Variants in PLA2G2F observed in about 807,000 individuals in gnomAD.
PLA2G2F encodes phospholipase A2 group IIF, also known as group IIF secretory phospholipase A2.
A neutral mutation model predicts 15.9 loss-of-function variants in PLA2G2F; 17 were observed. The ratio of observed to expected loss-of-function variants is 1.07; its 90% CI spans 0.73 to 1.60. PLA2G2F has a LOEUF of 1.60. PLA2G2F is among the 40% of genes most tolerant of loss of function. PLA2G2F has a pLI of 0.00. For missense variants in PLA2G2F, 299 were observed against 278.2 expected (o/e 1.07, Z -0.53); for synonymous variants, 119 against 106.5 (o/e 1.12, Z -0.72).
At chr1:20,147,741 C>T (rs1557778280) in intron 4 of PLA2G2F, among the ~76,000 whole-genome samples, 1 of 152,164 alleles carries the variant, frequency 6.6e-6, no homozygotes, top group Non-Finnish European at 1.5e-5. Flanking sequence ...TAAGCCACTG[C>T]GCCCGGCAAT....
At chr1:20,144,879 C>T (rs1433455010) in intron 4 of PLA2G2F, among the ~76,000 whole-genome samples, 190 bp downstream of exon 4, 2 of 152,172 alleles carry the variant, frequency 1.3e-5, no homozygotes, top group Non-Finnish European at 2.9e-5. Flanking sequence ...GAGTTCGAGA[C>T]CATCCTGGCT....
rs1252019163 is a variant in PLA2G2F at position 20,149,534 on chromosome 1, C to T, written c.*1133C>T. 1 of 152,642 alleles carries T rather than the reference C, an allele frequency of 6.6e-6. No homozygotes were observed. Among genetic ancestry groups the T allele is most frequent in the Non-Finnish European group, 1.5e-5 (1 of 68,360 alleles). 9.5% of individuals were successfully genotyped at this position (152,642 alleles called of 1,614,324 possible). On this transcript the variant is annotated 3_prime_UTR_variant, in exon 5 of 5. Transcript: ENST00000375102. ...ATCAAGGCGGGAGGCAGCCTGGAAACTTCTAGAAGAGGGTCAAGGTAGGAG... is the reference window on the plus strand; with the variant it reads ...ATCAAGGCGGGAGGCAGCCTGGAAATTTCTAGAAGAGGGTCAAGGTAGGAG...
chr1:20,140,115 T>C (rs528483099), intron 1 of PLA2G2F, 51 bp from the exon 2 acceptor site: 1 of 1,595,724 alleles, frequency 6.3e-7, no homozygotes, highest in African/African-American at 1.3e-5. Context: ...GGTCCAACAC[T>C]GCCAAGGGTG....
intron 4 of PLA2G2F, among the ~76,000 whole-genome samples, chr1:20,145,270 C>T (rs1557777362): frequency 6.6e-6 from 1 of 151,298 alleles, no homozygotes; most frequent in African/African-American, 2.4e-5. Flanking sequence ...GGACATACTT[C>T]TACTAAAACA....
intron 1 of PLA2G2F, 148 bp downstream of exon 1, chr1:20,139,691 C>T (rs2017420938): frequency 3.1e-6 from 2 of 645,246 alleles, no homozygotes; most frequent in African/African-American, 1.9e-5. Context: ...ACGTGGCACT[C>T]ATGTGGCCCA....
At chr1:20,140,142 G>C in intron 1 of PLA2G2F, 24 bp from the exon 2 acceptor site, 1 of 1,612,846 alleles carries the variant, frequency 6.2e-7, no homozygotes, top group Non-Finnish European at 8.5e-7. Context: ...ATGGACTCAA[G>C]CTCCGGGTTT....
At chr1:20,143,726 C>A in intron 3 of PLA2G2F, 136 bp downstream of exon 3, 2 of 1,123,842 alleles carry the variant, frequency 1.8e-6, no homozygotes, top group Non-Finnish European at 2.5e-6. Flanking sequence ...GACTTGGTGA[C>A]CAGAGCCTGG....
chr1:20,140,765 TG>T (rs2017441929), intron 2 of PLA2G2F: 1 of 155,602 alleles, frequency 6.4e-6, no homozygotes, highest in Admixed American at 6.2e-5. Context: ...GTGTGTAGGA[TG>T]GGTGTCTGTG....
rs778009818 is a variant in PLA2G2F at position 20,144,662 on chromosome 1, A to C, written c.397A>C (p.Ile133Leu). Residue 133 changes from isoleucine to leucine, a missense_variant, in exon 4 of 5, where the codon ATC becomes CTC. Ile to Leu is a conservative substitution (Grantham distance 5). Coordinates refer to ENST00000375102, the MANE Select transcript of PLA2G2F (RefSeq NM_022819.4). ...HPYVDHYDHT[I>L]ENNTEIVCSD... ...CTATGTGGACCACTATGATCACACC[A>C]TCGAGAACAACACTGAGATAGTCTG... 5 of 1,609,966 alleles carry C rather than the reference A, an allele frequency of 3.1e-6. No homozygotes were observed. The East Asian group carries it at 1.1e-4, about 36-fold the overall frequency.
At chr1:20,145,550 G>T (rs2017572080) in intron 4 of PLA2G2F, among the ~76,000 whole-genome samples, 1 of 152,018 alleles carries the variant, frequency 6.6e-6, no homozygotes, top group Admixed American at 6.6e-5. Context: ...AAAGTGCTGG[G>T]ATTACAGGTG....
At chr1:20,148,134 C>T in intron 4 of PLA2G2F, 56 bp from the exon 5 acceptor site, 1 of 1,408,276 alleles carries the variant, frequency 7.1e-7, no homozygotes, top group Non-Finnish European at 1.0e-6. Context: ...AGCAGTAGTC[C>T]TGGGGGAGCT....
At chr1:20,142,575 T>A (rs1388518059) in intron 2 of PLA2G2F, 2 of 152,488 alleles carry the variant, frequency 1.3e-5, no homozygotes, top group Non-Finnish European at 2.9e-5. Flanking sequence ...GGGGAGAATG[T>A]GTCCTGGGGT....
In PLA2G2F at chr1:20,139,515, G is replaced by T; in HGVS notation, c.88G>T (p.Gly30Trp). 1.3e-6 allele frequency: 2 copies of T among 1,566,278 alleles called. No individual in the cohort carries two copies. The highest frequency in any genetic ancestry group is 1.7e-6 in the Non-Finnish European group (2 of 1,155,048). The change falls in exon 1 of 5, where the codon GGG becomes TGG. Residue 30 changes from glycine to tryptophan, a missense_variant. Transcript: ENST00000375102. ...CTCTGGGTGGAGGGGCCCACGCTTC[G>T]GGGCCTCCTGTCCTTCAAGAACCTC... ...CFSGWRGPRF[G>W]ASCPSRTSRS...
At position 20,140,091 on chromosome 1, in the gene PLA2G2F, G is replaced by T. The variant is rs139320224; in HGVS notation, c.117-75G>T. 1.4e-5 allele frequency: 21 copies of T among 1,499,996 alleles called. No individual in the cohort carries two copies. In the South Asian group the frequency reaches 2.5e-4, roughly 18 times the overall value. 92.9% of individuals were successfully genotyped at this position (1,499,996 alleles called of 1,614,324 possible). A position where few individuals can be genotyped will look rare whatever the true frequency, so the allele number is the denominator to read the frequency against. On this transcript the variant is annotated intron_variant, in intron 1 of 4. Transcript: ENST00000375102. The stretch of plus-strand genomic sequence containing the variant: ...TTGATGACACCTGTCCTGAGGCTCA[G>T]GAAGGGAGCAGCAGGTCCAACACTG...
chr1:20,144,078 T>C (rs1205955433), intron 3 of PLA2G2F: 1 of 185,056 alleles, frequency 5.4e-6, no homozygotes, highest in East Asian at 1.4e-4. Flanking sequence ...ATTGACTAGC[T>C]GACTTCACGC....
At chr1:20,146,382 C>G (rs1488803089) in intron 4 of PLA2G2F, among the ~76,000 whole-genome samples, 1 of 152,168 alleles carries the variant, frequency 6.6e-6, no homozygotes, top group Non-Finnish European at 1.5e-5. Context: ...CCTAGGACGC[C>G]CAGTGTTTCC....
intron 4 of PLA2G2F, among the ~76,000 whole-genome samples, 195 bp from the exon 5 acceptor site, chr1:20,147,995 C>T (rs995799308): frequency 2.0e-5 from 3 of 152,094 alleles, no homozygotes; most frequent in African/African-American, 7.2e-5. Context: ...CACAGACTGC[C>T]GGGCCCCAGC....
chr1:20,144,246 C>T (rs1005504958), intron 3 of PLA2G2F, among the ~76,000 whole-genome samples: 2 of 152,168 alleles, frequency 1.3e-5, no homozygotes, highest in African/African-American at 4.8e-5. Context: ...TTGACGTAAA[C>T]CTAGGCAGGT....
Position 20,143,433 on chromosome 1 carries a change from G to C in PLA2G2F, c.170-13G>C, listed in dbSNP as rs1194971676. On this transcript the variant is annotated splice_polypyrimidine_tract_variant and intron_variant, in intron 2 of 4. Transcript: ENST00000375102. ...GGGGCAGGGGCTCAGAGCACCCCCT[G>C]GTTCTCTTGCAGTTCTGTCCACAGC... 3 of 1,612,412 alleles carry C rather than the reference G, an allele frequency of 1.9e-6. No individual in the cohort carries two copies. Among genetic ancestry groups the C allele is most frequent in the African/African-American group, 1.3e-5 (1 of 75,020 alleles).
Sources: gnomAD v4.1 joint callset for allele counts (sites outside exome capture counted in the v4.1 genomes callset) on GRCh38, gnomAD v4.1.1 for gene constraint, MANE v1.5 for transcripts, NCBI Gene and HGNC (gene_info 2026-07-23, HGNC 2026-07-21) for gene names.